MTNR1A: variants seen among roughly 807,000 people sequenced by gnomAD.
MTNR1A encodes melatonin receptor type 1A.
A neutral mutation model predicts 5.5 loss-of-function variants in MTNR1A; 7 were observed. The observed-to-expected ratio is 1.28, with a 90% CI of 0.73 to 2.40. MTNR1A has a LOEUF of 2.40. Among genes scored for constraint, MTNR1A ranks in the 30% most tolerant of loss-of-function variants. The pLI is 0.00. For synonymous variants in MTNR1A, 196 were observed against 202.7 expected (o/e 0.97, Z 0.28); for missense variants, 441 against 464.4 (o/e 0.95, Z 0.46).
intron 1 of MTNR1A, among the ~76,000 whole-genome samples, chr4:186,544,103 C>G (rs1228966638): frequency 1.3e-5 from 2 of 152,128 alleles, no homozygotes; most frequent in African/African-American, 4.8e-5. Context: ...CTGCCGTCCC[C>G]CACCCCCACT....
chr4:186,555,555 C>G lies in MTNR1A; in HGVS notation c.-190G>C, dbSNP rs1331661256. The G allele has an allele frequency of 6.1e-6, 2 of 328,200 alleles. No individual in the cohort carries two copies. Among genetic ancestry groups the G allele is most frequent in the Non-Finnish European group, 1.0e-5 (2 of 192,596 alleles). 20.3% of individuals were successfully genotyped at this position (328,200 alleles called of 1,614,324 possible). A position where few individuals can be genotyped will look rare whatever the true frequency, so the allele number is the denominator to read the frequency against. On this transcript the variant is annotated 5_prime_UTR_variant, in exon 1 of 2. Coordinates refer to ENST00000307161, the MANE Select transcript of MTNR1A (RefSeq NM_005958.4). This position sits in a 1 kb window ranked among gnomAD's most constrained non-coding sequence, Gnocchi z 4.1. ...TGACACCTGGTGTCCGCCGCGAGCC[C>G]GCTTGGATTCCCCGCCCGCAGCTCG...
chr4:186,555,266 G>A lies in MTNR1A; in HGVS notation c.100C>T (p.Leu34Phe), dbSNP rs942036737. 1.7e-5 allele frequency: 27 copies of A among 1,560,042 alleles called. No homozygotes were observed. Among genetic ancestry groups the A allele is most frequent in the Non-Finnish European group, 2.1e-5 (24 of 1,153,408 alleles). ...ATGTCCACCACGATGGTGAAGATGA[G>A]GACGCAGGCCAGGGCGGACGCCAGC... ...SWLASALACVLIFTIVVDILG... is the reference protein window; with the variant it reads ...SWLASALACVFIFTIVVDILG... Residue 34 changes from leucine to phenylalanine, a missense_variant, in exon 1 of 2, where the codon CTC (leucine) becomes TTC (phenylalanine). Coordinates refer to ENST00000307161, the MANE Select transcript of MTNR1A (RefSeq NM_005958.4). The surrounding 1 kb of genome is among the most constrained non-coding windows in gnomAD (Gnocchi z 4.1).
chr4:186,536,888 T>G (rs1736867261), intron 1 of MTNR1A, among the ~76,000 whole-genome samples: 1 of 152,268 alleles, frequency 6.6e-6, no homozygotes, highest in South Asian at 2.1e-4. Flanking sequence ...AAATGTTTAA[T>G]GCTTTAAAAG....
At chr4:186,534,927 A>C (rs555354789) in intron 1 of MTNR1A, among the ~76,000 whole-genome samples, 2 of 152,216 alleles carry the variant, frequency 1.3e-5, no homozygotes, top group Admixed American at 6.5e-5. Context: ...CAAGCCAGCC[A>C]CAACTTCCTT....
intron 1 of MTNR1A, among the ~76,000 whole-genome samples, chr4:186,537,112 AATTAC>A (rs750841796): frequency 6.6e-6 from 1 of 152,216 alleles, no homozygotes; most frequent in Non-Finnish European, 1.5e-5. Context: ...CAATTCAAGC[AATTAC>A]ATTAATTAGA....
Position 186,544,293 on chromosome 4 carries a change from A to G in MTNR1A, c.185-9736T>C, listed in dbSNP as rs145813823. Among the ~76,000 whole-genome samples the G allele has an allele frequency of 6.9e-3, 1,051 of 152,350 alleles. 16 individuals carry two copies. In the East Asian group the frequency reaches 0.078, roughly 11 times the overall value. On this transcript the variant is annotated intron_variant, in intron 1 of 1. Coordinates refer to ENST00000307161, the MANE Select transcript of MTNR1A (RefSeq NM_005958.4). The stretch of plus-strand genomic sequence containing the variant: ...CTCGGCCTCCCAAAGTACTGGGATT[A>G]CAGGCGTGAGCCACCATGCCCGGCC...
Position 186,534,569 on chromosome 4 carries a change from T to A in MTNR1A, c.185-12A>T. 1 of 1,608,262 alleles carries A rather than the reference T, an allele frequency of 6.2e-7. No homozygotes were observed. The highest frequency in any genetic ancestry group is 8.5e-7 in the Non-Finnish European group (1 of 1,179,938). ...CACAAAGATGTTTCCTGAAAGAGAA[T>A]CGTTTAGAAAATACAGTGAATACCA... On this transcript the variant is annotated splice_polypyrimidine_tract_variant and intron_variant, in intron 1 of 1. Transcript: ENST00000307161.
chr4:186,539,469 C>G (rs1736956524), intron 1 of MTNR1A, among the ~76,000 whole-genome samples: 1 of 152,108 alleles, frequency 6.6e-6, no homozygotes, highest in Non-Finnish European at 1.5e-5. Context: ...TGTGTCTCCC[C>G]CAAAATTTAT....
chr4:186,539,993 T>G (rs574765625), intron 1 of MTNR1A, among the ~76,000 whole-genome samples: 21 of 152,296 alleles, frequency 1.4e-4, no homozygotes, highest in African/African-American at 4.1e-4. Context: ...CTTAATGGAC[T>G]TACAGTTCCA....
chr4:186,554,822 C>T (rs924577078), intron 1 of MTNR1A, among the ~76,000 whole-genome samples: 2 of 152,196 alleles, frequency 1.3e-5, no homozygotes, highest in African/African-American at 4.8e-5. Flanking sequence ...AACTAAATCA[C>T]ATGTTAAGAC....
chr4:186,548,808 A>AAAATAT (rs1737206205), intron 1 of MTNR1A, among the ~76,000 whole-genome samples: 1 of 48,316 alleles, frequency 2.1e-5, no homozygotes, highest in Non-Finnish European at 4.2e-5. Context: ...TTAATCTATA[A>AAAATAT]AGATATATAT....
At chr4:186,536,350 AAAAAAAAAG>A (rs1295074170) in intron 1 of MTNR1A, among the ~76,000 whole-genome samples, 17 of 141,634 alleles carry the variant, frequency 1.2e-4, no homozygotes, top group South Asian at 5.7e-4. Flanking sequence ...CCGTATCAAA[AAAAAAAAAG>A]AAAAAAAAGA....
In MTNR1A at chr4:186,533,807, G is replaced by A. The variant is rs866777247; in HGVS notation, c.935C>T (p.Ser312Leu). ...AAAGAACACCCTGGCTGTACAGAGC[G>A]AGACTATAATTCTCCTGTATTCCTT... Reference protein sequence around the residue: ...FRKEYRRIIVSLCTARVFFVD... With the variant: ...FRKEYRRIIVLLCTARVFFVD... Residue 312 changes from serine to leucine, a missense_variant, in exon 2 of 2, where the codon TCG becomes TTG. Physicochemically the swap from Ser to Leu is moderately radical, Grantham distance 145. Transcript: ENST00000307161. 11 of 1,614,014 alleles carry A rather than the reference G, an allele frequency of 6.8e-6. No individual in the cohort carries two copies. Among genetic ancestry groups the A allele is most frequent in the South Asian group, 3.3e-5 (3 of 91,074 alleles).
Position 186,533,737 on chromosome 4 carries a change from C to G in MTNR1A, c.1005G>C (p.Pro335=). ...CATTATTGTTGGTCATCAGTGGAGA[C>G]GGTTTCCATTTAACCCTATCGGCCA... ...NDVADRVKWK[P]SPLMTNNNVV... Residue 335 remains proline (P), a synonymous_variant, in exon 2 of 2, where the codon CCG becomes CCC. Coordinates refer to ENST00000307161, the MANE Select transcript of MTNR1A (RefSeq NM_005958.4). 1 of 1,614,176 alleles carries G rather than the reference C, an allele frequency of 6.2e-7. No individual in the cohort carries two copies. The highest frequency in any genetic ancestry group is 8.5e-7 in the Non-Finnish European group (1 of 1,180,028).
intron 1 of MTNR1A, among the ~76,000 whole-genome samples, chr4:186,548,096 C>T (rs188405847): frequency 2.6e-5 from 4 of 151,966 alleles, no homozygotes; most frequent in Admixed American, 2.0e-4. Context: ...CCTTCAGCGA[C>T]ATTAACAGGC....
chr4:186,541,164 A>C (rs555702798), intron 1 of MTNR1A, among the ~76,000 whole-genome samples: 1 of 152,218 alleles, frequency 6.6e-6, no homozygotes, highest in Admixed American at 6.5e-5. Context: ...TGGTTTCCAC[A>C]TGGCTTTTCA....
chr4:186,544,284 A>C (rs1173695205), intron 1 of MTNR1A, among the ~76,000 whole-genome samples: 1 of 152,100 alleles, frequency 6.6e-6, no homozygotes, highest in Non-Finnish European at 1.5e-5. Context: ...CTCCCAAAGT[A>C]CTGGGATTAC....
Position 186,539,520 on chromosome 4 carries a change from G to T in MTNR1A, c.185-4963C>A, listed in dbSNP as rs76868764. On this transcript the variant is annotated intron_variant, in intron 1 of 1. Coordinates refer to ENST00000307161, the MANE Select transcript of MTNR1A (RefSeq NM_005958.4). ...CGCCAATGTGATAGTATTGAGAGGT[G>T]GGGCCTTTAGGAAGCCATTAAATCA... Among the ~76,000 whole-genome samples the T allele has an allele frequency of 7.9e-3, 1,204 of 152,276 alleles. 13 individuals are homozygous for T. The highest frequency in any genetic ancestry group is 0.028 in the African/African-American group (1,168 of 41,548).
Position 186,552,928 on chromosome 4 carries a change from G to A in MTNR1A, c.184+2254C>T, listed in dbSNP as rs28447403. ...ATACCAGTGGTTGTCTGCAGCCTGC[G>A]TCGGCTGTGGCTGTCCACTGTCCCC... On this transcript the variant is annotated intron_variant, in intron 1 of 1. Transcript: ENST00000307161. Among the ~76,000 whole-genome samples the A allele has an allele frequency of 3.9e-5, 6 of 152,206 alleles. No individual in the cohort carries two copies. In the East Asian group the frequency reaches 9.6e-4, roughly 24 times the overall value.
Sources: allele counts gnomAD v4.1 joint callset (sites outside exome capture counted in the v4.1 genomes callset), GRCh38; gene constraint gnomAD v4.1.1; non-coding constraint Gnocchi (gnomAD v3.1); transcripts MANE v1.5; gene names NCBI Gene and HGNC (gene_info 2026-07-23, HGNC 2026-07-21).